CADM2: variants seen among roughly 807,000 people sequenced by gnomAD.
The protein encoded by CADM2 is cell adhesion molecule 2, also known as immunoglobulin superfamily member 4D.
Under a neutral mutation model 49.8 loss-of-function variants are expected in CADM2, and 12 were observed. The observed-to-expected ratio is 0.24, with a 90% CI of 0.15 to 0.39. The LOEUF is 0.39. Among genes scored for constraint, CADM2 ranks in the 10% least tolerant of loss-of-function variants. The pLI is 1.00. For synonymous variants in CADM2, 214 were observed against 175.4 expected (o/e 1.22, Z -1.74); for missense variants, 378 against 492.3 (o/e 0.77, Z 2.20).
chr3:84,985,820 G>A (rs772159142), intron 1 of CADM2, among the ~76,000 whole-genome samples: 10 of 152,170 alleles, frequency 6.6e-5, no homozygotes, highest in Admixed American at 2.0e-4. Context: ...GCATCAGTAA[G>A]TGAAGTACCT....
intron 1 of CADM2, among the ~76,000 whole-genome samples, chr3:85,212,884 T>TTCTCTCTCTCTCTCTCTCTCTC (rs751474274): frequency 1.3e-5 from 1 of 78,610 alleles, no homozygotes; most frequent in East Asian, 2.7e-4. Flanking sequence ...CTTTCTTTCT[T>TTCTCTCTCTCTCTCTCTCTCTC]TCTCTTTCTT....
At position 85,064,997 on chromosome 3, in the gene CADM2, G is replaced by C. The variant is rs192968376; in HGVS notation, c.61+105329G>C. On this transcript the variant is annotated intron_variant, in intron 1 of 9. Transcript: ENST00000383699. ...TATCTGTTGAATATAACAGCAGAGA[G>C]ATTTGGAAAGTTATCTTTATTACCA... Among the ~76,000 whole-genome samples the C allele has an allele frequency of 3.3e-5, 5 of 152,188 alleles. No individual in the cohort carries two copies. In the East Asian group the frequency reaches 5.8e-4, roughly 18 times the overall value.
intron 1 of CADM2, among the ~76,000 whole-genome samples, chr3:85,421,266 G>C (rs948268226): frequency 6.6e-6 from 1 of 152,036 alleles, no homozygotes; most frequent in Admixed American, 6.6e-5. Flanking sequence ...ATTTATTCCT[G>C]TTGTTAAAAA....
At chr3:85,972,348 A>G (rs1342056865) in intron 8 of CADM2, among the ~76,000 whole-genome samples, 2 of 151,724 alleles carry the variant, frequency 1.3e-5, no homozygotes, top group African/African-American at 4.8e-5. Flanking sequence ...AAAAAGACAC[A>G]TCTTACCATA....
intron 1 of CADM2, among the ~76,000 whole-genome samples, chr3:85,300,950 C>G (rs1337161865): frequency 6.6e-6 from 1 of 151,922 alleles, no homozygotes; most frequent in South Asian, 2.1e-4. Context: ...ATGAGAGTTA[C>G]GTTACTGGCC....
chr3:85,147,618 C>T (rs1017814138), intron 1 of CADM2, among the ~76,000 whole-genome samples: 4 of 151,838 alleles, frequency 2.6e-5, no homozygotes, highest in East Asian at 1.9e-4. Flanking sequence ...ATTTCTGAAC[C>T]GTTCATAGTC....
intron 1 of CADM2, among the ~76,000 whole-genome samples, chr3:85,586,907 C>T (rs2062960710): frequency 6.6e-6 from 1 of 152,084 alleles, no homozygotes; most frequent in South Asian, 2.1e-4. Flanking sequence ...ACTTAACTTT[C>T]AGCCTACAGA....
rs1198320648 is a variant in CADM2, at chr3:85,791,585, GAC to G, written c.89-10460_89-10459del. Among the ~76,000 whole-genome samples, 6 of 151,394 alleles carry G rather than the reference GAC, an allele frequency of 4.0e-5. No homozygotes were observed. In the South Asian group the frequency reaches 1.0e-3, roughly 26 times the overall value. On this transcript the variant is annotated intron_variant, in intron 2 of 9. Coordinates refer to ENST00000383699, the MANE Select transcript of CADM2 (RefSeq NM_001167675.2). ...GAGAGAGAGAGAGAAAAGAAAGAGA[GAC>G]AGAGAGAGAGAAAACAAAAAAAAAC...
intron 1 of CADM2, among the ~76,000 whole-genome samples, chr3:85,563,879 C>A (rs2062175247): frequency 6.6e-6 from 1 of 152,218 alleles, no homozygotes; most frequent in South Asian, 2.1e-4. Flanking sequence ...AACAAGCTTC[C>A]TGTGCCAACA....
intron 1 of CADM2, among the ~76,000 whole-genome samples, chr3:85,488,492 T>C (rs927583622): frequency 7.2e-5 from 11 of 152,026 alleles, no homozygotes; most frequent in African/African-American, 2.7e-4. Context: ...GATGATGAGA[T>C]GATTTAGGTA....
intron 8 of CADM2, among the ~76,000 whole-genome samples, chr3:86,043,462 C>A (rs924588856): frequency 4.6e-5 from 7 of 152,130 alleles, no homozygotes; most frequent in Non-Finnish European, 8.8e-5. Flanking sequence ...TGAGTGAACT[C>A]CCATTCACAA....
chr3:85,357,609 G>A (rs955684428), intron 1 of CADM2, among the ~76,000 whole-genome samples: 2 of 151,884 alleles, frequency 1.3e-5, no homozygotes, highest in African/African-American at 2.4e-5. Context: ...CTGATAAATG[G>A]CAAAATTAGA....
chr3:85,135,751 A>G (rs2039399071), intron 1 of CADM2, among the ~76,000 whole-genome samples: 1 of 152,074 alleles, frequency 6.6e-6, no homozygotes, highest in African/African-American at 2.4e-5. Flanking sequence ...CAATACACAA[A>G]CATTTTGTAA....
Position 86,012,890 on chromosome 3 carries a change from G to T in CADM2, c.970+51243G>T. Reference sequence around the variant, plus strand: ...CTCGGGAGGCTGAGGCAGGAGAATGGCGTGAACCCGGGAGGCGGAGCTTGC... The same window carrying T: ...CTCGGGAGGCTGAGGCAGGAGAATGTCGTGAACCCGGGAGGCGGAGCTTGC... On this transcript the variant is annotated intron_variant, in intron 8 of 9. Coordinates refer to ENST00000383699, the MANE Select transcript of CADM2 (RefSeq NM_001167675.2). 8.7e-6 allele frequency: 5 copies of T among 573,226 alleles called. No individual in the cohort carries two copies. The South Asian group carries it at 9.1e-5, about 10-fold the overall frequency. The allele number at this position is 573,226 out of a possible 1,614,324, so 35.5% of individuals were successfully genotyped here.
At chr3:85,987,641 A>G (rs1368979867) in intron 8 of CADM2, among the ~76,000 whole-genome samples, 3 of 146,906 alleles carry the variant, frequency 2.0e-5, no homozygotes, top group Non-Finnish European at 4.5e-5. Flanking sequence ...ATAATAAAAT[A>G]TGTTTATATT....
chr3:85,532,252 A>C (rs894297967), intron 1 of CADM2, among the ~76,000 whole-genome samples: 3 of 152,196 alleles, frequency 2.0e-5, no homozygotes, highest in Non-Finnish European at 4.4e-5. Context: ...AGGAAACTGC[A>C]GGCAGTATTC....
chr3:85,096,729 A>G (rs2037811598), intron 1 of CADM2, among the ~76,000 whole-genome samples: 1 of 152,146 alleles, frequency 6.6e-6, no homozygotes, highest in African/African-American at 2.4e-5. Context: ...ATAGATCTCT[A>G]AACATTCAGT....
At chr3:85,627,045 C>CA (rs1252679009) in intron 1 of CADM2, among the ~76,000 whole-genome samples, 1 of 151,854 alleles carries the variant, frequency 6.6e-6, no homozygotes, top group Non-Finnish European at 1.5e-5. Flanking sequence ...TAAGAGGCTC[C>CA]AAAAAATGTC....
intron 1 of CADM2, among the ~76,000 whole-genome samples, chr3:85,131,099 A>G (rs2039213550): frequency 6.6e-6 from 1 of 152,176 alleles, no homozygotes; most frequent in African/African-American, 2.4e-5. Flanking sequence ...GAGTCACTTG[A>G]ACCCAGGAGG....
Sources: gnomAD v4.1 joint callset for allele counts (sites outside exome capture counted in the v4.1 genomes callset) on GRCh38, gnomAD v4.1.1 for gene constraint, MANE v1.5 for transcripts, NCBI Gene and HGNC (gene_info 2026-07-23, HGNC 2026-07-21) for gene names.